ITGA9: variants seen among roughly 807,000 people sequenced by gnomAD.
ITGA9 encodes integrin subunit alpha 9.
A neutral mutation model predicts 127.8 loss-of-function variants in ITGA9; 56 were observed. The ratio of observed to expected loss-of-function variants is 0.44; its 90% CI spans 0.35 to 0.55. The LOEUF (loss-of-function observed/expected upper bound fraction) is 0.55, where lower values mean the gene tolerates loss of function less well. Ranked by LOEUF, ITGA9 falls within the 20% of genes least tolerant of loss-of-function variation. The pLI, the probability that ITGA9 is intolerant of heterozygous loss-of-function variation, is 0.00. For missense variants in ITGA9, 1,196 were observed against 1,347.1 expected (o/e 0.89, Z 1.76); for synonymous variants, 508 against 514.5 (o/e 0.99, Z 0.17).
Position 37,624,200 on chromosome 3 carries a change from CTTT to C in ITGA9, c.1690-4966_1690-4964del, listed in dbSNP as rs58307041. Among the ~76,000 whole-genome samples, 594 of 85,750 alleles carry C rather than the reference CTTT, an allele frequency of 6.9e-3. 2 individuals carry two copies. Among genetic ancestry groups the C allele is most frequent in the African/African-American group, 8.8e-3 (176 of 20,030 alleles). 56.3% of individuals were successfully genotyped at this position (85,750 alleles called of 152,430 possible). A position where few individuals can be genotyped will look rare whatever the true frequency, so the allele number is the denominator to read the frequency against. ...GGTTAGCTAAGGAAGAAAAAAAACC[CTTT>C]TTTTTTTTTTTTTTTTTTTTAATGG... On this transcript the variant is annotated intron_variant, in intron 15 of 27. Transcript: ENST00000264741.
At chr3:37,754,488 TATC>T (rs1696626783) in intron 23 of ITGA9, among the ~76,000 whole-genome samples, 4 of 152,166 alleles carry the variant, frequency 2.6e-5, no homozygotes, top group Non-Finnish European at 5.9e-5. Context: ...ATAAAATAAA[TATC>T]ATACCATTCA....
intron 5 of ITGA9, 62 bp downstream of exon 5, chr3:37,494,630 G>A: frequency 2.8e-6 from 4 of 1,432,374 alleles, no homozygotes; most frequent in Non-Finnish European, 3.9e-6. Flanking sequence ...TTGCTTATAT[G>A]ATTTTGGCAA....
chr3:37,690,003 G>A (rs1239537105), intron 18 of ITGA9, among the ~76,000 whole-genome samples: 3 of 152,246 alleles, frequency 2.0e-5, no homozygotes, highest in African/African-American at 7.2e-5. Flanking sequence ...CTCTACAGAG[G>A]TGCTGAAACG....
chr3:37,658,355 G>C (rs967845708), intron 17 of ITGA9, among the ~76,000 whole-genome samples: 2 of 152,120 alleles, frequency 1.3e-5, no homozygotes, highest in Non-Finnish European at 2.9e-5. Flanking sequence ...CTTGCTTTAT[G>C]AATCTGTGTG....
chr3:37,779,189 C>A (rs906343232), intron 24 of ITGA9, among the ~76,000 whole-genome samples: 45 of 152,296 alleles, frequency 3.0e-4, no homozygotes, highest in African/African-American at 1.0e-3. Flanking sequence ...ACTGCAGCTT[C>A]TGCCTCTCGG....
At chr3:37,805,835 T>A (rs1347459030) in intron 27 of ITGA9, 2 of 151,748 alleles carry the variant, frequency 1.3e-5, no homozygotes, top group African/African-American at 4.8e-5. Context: ...GCTATTTTTT[T>A]TTTTTTTTTG....
chr3:37,735,600 T>G (rs189999252), intron 19 of ITGA9, among the ~76,000 whole-genome samples: 38 of 152,360 alleles, frequency 2.5e-4, no homozygotes, highest in Non-Finnish European at 5.3e-4. Flanking sequence ...CCTTTTTTTA[T>G]TGAAATGCAA....
At chr3:37,560,663 A>G (rs1377818314) in intron 15 of ITGA9, among the ~76,000 whole-genome samples, 1 of 152,208 alleles carries the variant, frequency 6.6e-6, no homozygotes, top group Non-Finnish European at 1.5e-5. Context: ...ATGAGATGGT[A>G]TCTCATTGTG....
At chr3:37,706,210 A>G (rs1701003682) in intron 18 of ITGA9, among the ~76,000 whole-genome samples, 1 of 151,592 alleles carries the variant, frequency 6.6e-6, no homozygotes, top group Non-Finnish European at 1.5e-5. Context: ...CGTGTCCTTG[A>G]CTCTTCCTTG....
chr3:37,690,941 G>A (rs1443684071), intron 18 of ITGA9, among the ~76,000 whole-genome samples: 1 of 152,162 alleles, frequency 6.6e-6, no homozygotes, highest in East Asian at 1.9e-4. Context: ...AGTGGGCAAT[G>A]GGGCTTATTC....
chr3:37,526,791 A>G (rs1387429783), intron 13 of ITGA9, among the ~76,000 whole-genome samples: 2 of 152,242 alleles, frequency 1.3e-5, no homozygotes, highest in African/African-American at 4.8e-5. Flanking sequence ...ATAGACTAAT[A>G]GGATCTCAGA....
intron 25 of ITGA9, among the ~76,000 whole-genome samples, chr3:37,784,057 T>C (rs1175081010): frequency 2.0e-5 from 3 of 152,216 alleles, no homozygotes; most frequent in Admixed American, 2.0e-4. Context: ...TGGGTAGATG[T>C]AGGTGGGGAC....
intron 18 of ITGA9, among the ~76,000 whole-genome samples, chr3:37,715,218 A>G (rs1449614884): frequency 6.6e-6 from 1 of 152,158 alleles, no homozygotes; most frequent in Non-Finnish European, 1.5e-5. Context: ...ACTCTTGAAA[A>G]GTTTCTCTTA....
chr3:37,700,204 G>A (rs754519726), intron 18 of ITGA9, among the ~76,000 whole-genome samples: 2 of 152,084 alleles, frequency 1.3e-5, no homozygotes, highest in African/African-American at 2.4e-5. Context: ...GGCTGGTCTC[G>A]AATTCCTGGC....
chr3:37,473,367 C>A lies in ITGA9; in HGVS notation c.327C>A (p.Gly109=). The part of the protein sequence containing the change: ...ELDMARGKNR[G]TSCGKTCRED... ...CTCTTTCTCCAGGGAAGAATCGGGG[C>A]ACGTCCTGCGGAAAGACCTGCCGGG... Residue 109 remains glycine (G), a synonymous_variant, in exon 3 of 28, where the codon GGC becomes GGA. Coordinates refer to ENST00000264741, the MANE Select transcript of ITGA9 (RefSeq NM_002207.3). The A allele has an allele frequency of 6.2e-7, 1 of 1,613,956 alleles. No individual in the cohort carries two copies. Among genetic ancestry groups the A allele is most frequent in the Admixed American group, 1.7e-5 (1 of 60,020 alleles).
chr3:37,625,169 G>A (rs984761098), intron 15 of ITGA9, among the ~76,000 whole-genome samples: 1 of 152,114 alleles, frequency 6.6e-6, no homozygotes, highest in African/African-American at 2.4e-5. Flanking sequence ...TCTTTTGACT[G>A]TGCCCAGGGG....
intron 15 of ITGA9, among the ~76,000 whole-genome samples, chr3:37,608,169 A>G (rs940725782): frequency 5.3e-5 from 8 of 152,244 alleles, no homozygotes; most frequent in African/African-American, 1.7e-4. Flanking sequence ...TTTCCAGAAT[A>G]TGCTTTTAAA....
chr3:37,582,870 C>T (rs1699723392), intron 15 of ITGA9, among the ~76,000 whole-genome samples: 1 of 152,230 alleles, frequency 6.6e-6, no homozygotes, highest in Non-Finnish European at 1.5e-5. Context: ...AGCCTCTATA[C>T]TTAACAACAT....
chr3:37,529,262 A>G (rs1477730425), intron 13 of ITGA9, among the ~76,000 whole-genome samples: 3 of 152,162 alleles, frequency 2.0e-5, no homozygotes, highest in South Asian at 4.1e-4. Flanking sequence ...TTATTAATAT[A>G]AAAGGGAAGG....
Sources: allele counts gnomAD v4.1 joint callset (sites outside exome capture counted in the v4.1 genomes callset), GRCh38; gene constraint gnomAD v4.1.1; transcripts MANE v1.5; gene names NCBI Gene and HGNC (gene_info 2026-07-23, HGNC 2026-07-21).